SGCZ: variants seen among roughly 807,000 people sequenced by gnomAD.
SGCZ encodes sarcoglycan zeta, also known as zeta-sarcoglycan.
Under a neutral mutation model 41.3 loss-of-function variants are expected in SGCZ, and 40 were observed. The ratio of observed to expected loss-of-function variants is 0.97; its 90% CI spans 0.75 to 1.26. The LOEUF (loss-of-function observed/expected upper bound fraction) is 1.26. SGCZ is among the 50% of genes most tolerant of loss of function. SGCZ has a pLI of 0.00. For missense variants in SGCZ, 552 were observed against 369.8 expected, an observed-to-expected ratio of 1.49 and a Z score of -4.04; for synonymous variants, 206 against 137.5, an observed-to-expected ratio of 1.50 and a Z score of -3.49.
rs146679602 is a variant in SGCZ, at chr8:14,131,183, A to C, written c.548-22948T>G. On this transcript the variant is annotated intron_variant, in intron 5 of 7. Transcript: ENST00000382080. ...ATGAAGCAACGAATCTCTAGTATTAACCCAGACAAAAGATGCCGCTTCAGA... is the reference window on the plus strand; with the variant it reads ...ATGAAGCAACGAATCTCTAGTATTACCCCAGACAAAAGATGCCGCTTCAGA... Among the ~76,000 whole-genome samples, 895 of 152,272 alleles carry C rather than the reference A, an allele frequency of 5.9e-3. 6 individuals are homozygous for C. The highest frequency in any genetic ancestry group is 0.02 in the African/African-American group (851 of 41,548).
intron 1 of SGCZ, among the ~76,000 whole-genome samples, chr8:14,711,859 GT>G (rs1563218706): frequency 2.0e-5 from 3 of 152,120 alleles, no homozygotes. Context: ...TGCTTGTTTG[GT>G]TTTTCGCTTA....
At chr8:15,230,346 T>A (rs1801904522) in intron 1 of SGCZ, among the ~76,000 whole-genome samples, 1 of 152,154 alleles carries the variant, frequency 6.6e-6, no homozygotes, top group Admixed American at 6.5e-5. Flanking sequence ...TTCCCTGGAA[T>A]TTTGGCCTAT....
chr8:15,057,648 C>T (rs1193171840), intron 1 of SGCZ, among the ~76,000 whole-genome samples: 1 of 152,086 alleles, frequency 6.6e-6, no homozygotes, highest in African/African-American at 2.4e-5. Context: ...AGAAGAAATT[C>T]ATTCACTTAC....
intron 1 of SGCZ, among the ~76,000 whole-genome samples, chr8:14,965,392 A>C (rs1161530653): frequency 2.6e-5 from 4 of 152,156 alleles, no homozygotes; most frequent in Non-Finnish European, 5.9e-5. Flanking sequence ...ATCGACATGA[A>C]AGACGGAAAG....
chr8:14,894,472 G>A (rs1177648011), intron 1 of SGCZ, among the ~76,000 whole-genome samples: 1 of 152,038 alleles, frequency 6.6e-6, no homozygotes, highest in African/African-American at 2.4e-5. Flanking sequence ...CTTAGTGATC[G>A]CTCTAGACAG....
chr8:14,654,381 G>T (rs138445818), intron 1 of SGCZ, among the ~76,000 whole-genome samples: 1 of 152,156 alleles, frequency 6.6e-6, no homozygotes, highest in African/African-American at 2.4e-5. Flanking sequence ...TATCTGTAGA[G>T]TGGGGAAGAT....
At chr8:14,584,961 A>G (rs576706235) in intron 1 of SGCZ, among the ~76,000 whole-genome samples, 49 of 152,256 alleles carry the variant, frequency 3.2e-4, no homozygotes, top group Middle Eastern at 3.4e-3. Flanking sequence ...AGTTTTGCAT[A>G]AATCTTGAGC....
At chr8:14,852,592 C>T (rs116129548) in intron 1 of SGCZ, among the ~76,000 whole-genome samples, 2,371 of 152,296 alleles carry the variant, frequency 0.016, 32 homozygotes, top group African/African-American at 0.041. Flanking sequence ...TTAATTTTCA[C>T]CTCAGTTGAA....
Position 14,239,090 on chromosome 8 carries a change from T to C in SGCZ, c.337-1411A>G, listed in dbSNP as rs1000000460. On this transcript the variant is annotated intron_variant, in intron 3 of 7. Coordinates refer to ENST00000382080, the MANE Select transcript of SGCZ (RefSeq NM_139167.4). ...CACTTATCTCCTAAAAGATCTAAAA[T>C]ATTTAAAATTAATTACATCATCCTA... Among the ~76,000 whole-genome samples, 4 of 152,054 alleles carry C rather than the reference T, an allele frequency of 2.6e-5. No individual in the cohort carries two copies. In the South Asian group the frequency reaches 6.2e-4, roughly 24 times the overall value.
chr8:14,091,603 G>C (rs532023023), intron 7 of SGCZ, among the ~76,000 whole-genome samples: 122 of 152,194 alleles, frequency 8.0e-4, no homozygotes, highest in Middle Eastern at 6.8e-3. Flanking sequence ...TCATGTGTCT[G>C]TTGGCTGCAT....
At chr8:14,953,617 G>A (rs998113010) in intron 1 of SGCZ, among the ~76,000 whole-genome samples, 3 of 152,148 alleles carry the variant, frequency 2.0e-5, no homozygotes, top group Non-Finnish European at 4.4e-5. Context: ...GAAGACAGAT[G>A]TGTAGTTCTC....
intron 1 of SGCZ, among the ~76,000 whole-genome samples, chr8:15,181,865 T>C (rs998951603): frequency 6.6e-6 from 1 of 152,134 alleles, no homozygotes. Context: ...ATGAGATTAT[T>C]TGGGGAGGTG....
chr8:14,957,030 AC>A (rs749194237), intron 1 of SGCZ, among the ~76,000 whole-genome samples: 90 of 152,288 alleles, frequency 5.9e-4, no homozygotes, highest in Admixed American at 1.2e-3. Flanking sequence ...ATAGAAAAAA[AC>A]AACCCTGGAA....
intron 1 of SGCZ, among the ~76,000 whole-genome samples, chr8:15,159,745 C>T (rs1340433420): frequency 4.1e-5 from 1 of 24,302 alleles, no homozygotes; most frequent in Admixed American, 4.8e-4. Flanking sequence ...CCCCCACCCT[C>T]CCCCCCACCC....
intron 3 of SGCZ, among the ~76,000 whole-genome samples, chr8:14,258,267 T>G (rs1237754676): frequency 6.6e-6 from 1 of 152,288 alleles, no homozygotes; most frequent in African/African-American, 2.4e-5. Flanking sequence ...TGTGAGTTTC[T>G]CAGGACATTA....
At chr8:14,813,227 T>G (rs962769672) in intron 1 of SGCZ, among the ~76,000 whole-genome samples, 4 of 152,220 alleles carry the variant, frequency 2.6e-5, no homozygotes, top group African/African-American at 9.6e-5. Context: ...CCAGTCATCT[T>G]TGGAAGAGTT....
At chr8:14,464,301 G>T (rs13281437) in intron 2 of SGCZ, among the ~76,000 whole-genome samples, 31,753 of 151,156 alleles carry the variant, frequency 0.21, 3,989 homozygotes, top group Non-Finnish European at 0.29. Context: ...CTTCTTATCA[G>T]TTATAGGTCT....
chr8:14,790,966 G>C (rs1039387526), intron 1 of SGCZ, among the ~76,000 whole-genome samples: 2 of 151,472 alleles, frequency 1.3e-5, no homozygotes, highest in Non-Finnish European at 1.5e-5. Context: ...GGGAGGCAAA[G>C]GTTGCAGTGA....
At chr8:14,414,753 G>A (rs1799450473) in intron 2 of SGCZ, among the ~76,000 whole-genome samples, 1 of 151,768 alleles carries the variant, frequency 6.6e-6, no homozygotes, top group African/African-American at 2.4e-5. Context: ...TGGGAAAAAT[G>A]GCTTCTAATT....
Sources: allele counts gnomAD v4.1 joint callset (sites outside exome capture counted in the v4.1 genomes callset), GRCh38; gene constraint gnomAD v4.1.1; transcripts MANE v1.5; gene names NCBI Gene and HGNC (gene_info 2026-07-23, HGNC 2026-07-21).